MYH1: variants seen among roughly 807,000 people sequenced by gnomAD.
The protein encoded by MYH1 is myosin heavy chain 1.
A neutral mutation model predicts 225.6 loss-of-function variants in MYH1; 214 were observed. That is an observed-to-expected ratio of 0.95 (90% CI 0.85 to 1.06). The LOEUF (loss-of-function observed/expected upper bound fraction) is 1.06. Among genes scored for constraint, MYH1 ranks in the 50% least tolerant of loss-of-function variants. The pLI, the probability that MYH1 is intolerant of heterozygous loss-of-function variation, is 0.00. For synonymous variants in MYH1, 774 were observed against 842.3 expected, an observed-to-expected ratio of 0.92 and a Z score of 1.40; for missense variants, 2,098 against 2,344.2, an observed-to-expected ratio of 0.89 and a Z score of 2.17.
intron 9 of MYH1, 101 bp downstream of exon 9, chr17:10,513,525 C>A: frequency 1.7e-6 from 2 of 1,149,126 alleles, no homozygotes; most frequent in Non-Finnish European, 2.6e-6. Flanking sequence ...TGGCAGCAGA[C>A]TGGTGCTTTA....
Position 10,513,822 on chromosome 17 carries a change from A to G in MYH1, c.740T>C (p.Phe247Ser), listed in dbSNP as rs184529840. The change falls in exon 8 of 40, where the codon TTT becomes TCT. Residue 247 changes from phenylalanine to serine, a missense_variant and splice_region_variant. By Grantham distance (155) the Phe-to-Ser change is radical. Coordinates refer to ENST00000226207, the MANE Select transcript of MYH1 (RefSeq NM_005963.4). ...CCCTTTGGCAACCAAGAGACTTACAAAGCGAGAGGAGTTGTCATTCCTCAC... is the reference window on the plus strand; with the variant it reads ...CCCTTTGGCAACCAAGAGACTTACAGAGCGAGAGGAGTTGTCATTCCTCAC... ...KTVRNDNSSR[F>S]GKFIRIHFGT... 6.6e-5 allele frequency: 107 copies of G among 1,614,172 alleles called. No individual in the cohort carries two copies. Among genetic ancestry groups the G allele is most frequent in the Admixed American group, 3.7e-4 (22 of 60,026 alleles).
At chr17:10,507,489 C>T (rs1443191497) in intron 17 of MYH1, among the ~76,000 whole-genome samples, 1 of 152,190 alleles carries the variant, frequency 6.6e-6, no homozygotes, top group Non-Finnish European at 1.5e-5. Context: ...CGGTTCTATA[C>T]CAATGTATCT....
Position 10,501,665 on chromosome 17 carries a change from C to A in MYH1, c.3277G>T (p.Gly1093Cys), listed in dbSNP as rs773320878. 6.2e-7 allele frequency: 1 copy of A among 1,614,170 alleles called. No homozygotes were observed. ...KLKKKEFEMS[G>C]LQSKIEDEQA... ...TCATCTTCAATCTTGCTTTGCAGACCGCTCATTTCAAACTCTTTCCTATTA... is the reference window on the plus strand; with the variant it reads ...TCATCTTCAATCTTGCTTTGCAGACAGCTCATTTCAAACTCTTTCCTATTA... Residue 1093 changes from glycine to cysteine, a missense_variant, in exon 26 of 40, where the codon GGT becomes TGT. Gly to Cys is a radical substitution (Grantham distance 159). Transcript: ENST00000226207.
At chr17:10,505,546 T>G (rs188553376) in intron 19 of MYH1, 35 bp from the exon 20 acceptor site, 37 of 1,606,656 alleles carry the variant, frequency 2.3e-5, no homozygotes, top group Non-Finnish European at 3.1e-5. Context: ...ATATGGCTGT[T>G]GCCACAGACA....
chr17:10,513,267 G>A (rs527743709), intron 9 of MYH1, among the ~76,000 whole-genome samples: 97 of 152,198 alleles, frequency 6.4e-4, no homozygotes, highest in African/African-American at 2.3e-3. Context: ...ATAATAGAGG[G>A]ACTACTAAAA....
intron 39 of MYH1, among the ~76,000 whole-genome samples, chr17:10,493,856 T>G (rs769766594): frequency 1.3e-5 from 2 of 152,206 alleles, no homozygotes; most frequent in Non-Finnish European, 2.9e-5. Flanking sequence ...TGCTCCACTC[T>G]CTTATCCAAG....
At chr17:10,505,555 C>A (rs1209306780) in intron 19 of MYH1, 44 bp from the exon 20 acceptor site, 2 of 1,602,236 alleles carry the variant, frequency 1.2e-6, no homozygotes, top group Non-Finnish European at 1.7e-6. Flanking sequence ...TTGCCACAGA[C>A]AAGAAATCTT....
intron 2 of MYH1, among the ~76,000 whole-genome samples, chr17:10,517,246 C>T (rs569102143): frequency 6.6e-6 from 1 of 152,246 alleles, no homozygotes; most frequent in South Asian, 2.1e-4. Flanking sequence ...TCATTATAAA[C>T]TTGGGAGTTA....
In MYH1 at chr17:10,495,987, A is replaced by C; in HGVS notation, c.5132T>G (p.Leu1711Arg). ...RSRKIAEQEL[L>R]DASERVQLLH... Reference sequence around the variant, plus strand: ...GAGCTGAACACGCTCACTGGCATCCAGGAGCTCCTGTTCTGCGATTTTCCT... The same window carrying C: ...GAGCTGAACACGCTCACTGGCATCCCGGAGCTCCTGTTCTGCGATTTTCCT... The change falls in exon 35 of 40, where the codon CTG becomes CGG. Residue 1711 changes from leucine (L) to arginine (R), a missense_variant. Leu to Arg is a moderately radical substitution (Grantham distance 102). Transcript: ENST00000226207. 6.2e-7 allele frequency: 1 copy of C among 1,614,090 alleles called. No homozygotes were observed. Among genetic ancestry groups the C allele is most frequent in the Non-Finnish European group, 8.5e-7 (1 of 1,180,026 alleles).
Position 10,501,576 on chromosome 17 carries a change from GA to G in MYH1, c.3348+17del, listed in dbSNP as rs2073058017. 2 of 1,614,064 alleles carry G rather than the reference GA, an allele frequency of 1.2e-6. No homozygotes were observed. Among genetic ancestry groups the G allele is most frequent in the Admixed American group, 3.3e-5 (2 of 60,000 alleles). On this transcript the variant is annotated intron_variant, in intron 26 of 39. Coordinates refer to ENST00000226207, the MANE Select transcript of MYH1 (RefSeq NM_005963.4). ...CTTTTCGATGTTAAATTAGCCTGGC[GA>G]AAATCATTTAACGTACTTGTAACTC...
At chr17:10,494,893 G>A (rs753166810) in intron 37 of MYH1, 38 bp downstream of exon 37, 13 of 1,614,050 alleles carry the variant, frequency 8.1e-6, no homozygotes, top group Non-Finnish European at 9.3e-6. Context: ...GTGTTGGATT[G>A]GAATGAGATA....
chr17:10,508,004 GGTTTTTTTTTTTTGTTTTTTTTT>G, intron 16 of MYH1, 48 bp from the exon 17 acceptor site: 1 of 1,423,790 alleles, frequency 7.0e-7, no homozygotes, highest in Non-Finnish European at 9.6e-7. Flanking sequence ...CTCTGGTTAT[GGTTTTTTTTTTTTGTTTTTTTTT>G]GTTTTTTTTG....
rs1227146869 is a variant in MYH1, at chr17:10,505,055, A to T, written c.2446T>A (p.Phe816Ile). ...GCACGGACATTGTACTGGATGCAGAAGATGGACTCTCTGTCATAGGAACAG... is the reference window on the plus strand; with the variant it reads ...GCACGGACATTGTACTGGATGCAGATGATGGACTCTCTGTCATAGGAACAG... ...QKMVERRESI[F>I]CIQYNVRAFM... is the part of the protein sequence containing the mutation. Residue 816 changes from phenylalanine (F) to isoleucine (I), a missense_variant, in exon 22 of 40, where the codon TTC (phenylalanine) becomes ATC (isoleucine). Physicochemically the swap from Phe to Ile is conservative, Grantham distance 21. Transcript: ENST00000226207. 1 of 1,614,186 alleles carries T rather than the reference A, an allele frequency of 6.2e-7. No individual in the cohort carries two copies. Among genetic ancestry groups the T allele is most frequent in the East Asian group, 2.2e-5 (1 of 44,894 alleles).
At position 10,501,603 on chromosome 17, in the gene MYH1, CT is replaced by C. The variant is rs1567717595; in HGVS notation, c.3338del (p.Lys1113ArgfsTer55). The C allele has an allele frequency of 6.2e-7, 1 of 1,614,174 alleles. No individual in the cohort carries two copies. Among genetic ancestry groups the C allele is most frequent in the Non-Finnish European group, 8.5e-7 (1 of 1,180,018 alleles). ...AAATCATTTAACGTACTTGTAACTC[CT>C]TGATTTTCTTCTGCAGCTGCATACC... ...ALGMQLQKKIKELQARIEELE... is the reference protein window; with the variant it reads ...ALGMQLQKKIXELQARIEELE... On this transcript the variant is annotated frameshift_variant, in exon 26 of 40. Coordinates refer to ENST00000226207, the MANE Select transcript of MYH1 (RefSeq NM_005963.4). LOFTEE classifies it high-confidence loss of function.
chr17:10,511,383 G>T (rs185245621), intron 14 of MYH1, among the ~76,000 whole-genome samples: 1 of 152,170 alleles, frequency 6.6e-6, no homozygotes, highest in Admixed American at 6.5e-5. Context: ...TTCTTTTAAA[G>T]ACTTTGTCTT....
In MYH1 at chr17:10,500,831, A is replaced by G. The variant is rs2073046436; in HGVS notation, c.3739-79T>C. 3.8e-6 allele frequency: 6 copies of G among 1,583,688 alleles called. No individual in the cohort carries two copies. In the Admixed American group the frequency reaches 8.4e-5, roughly 22 times the overall value. On this transcript the variant is annotated intron_variant, in intron 27 of 39. Transcript: ENST00000226207. ...AGTTTCAGTAATCTAAACATTCCAT[A>G]TGAGCTGCAGTACTCATTTATTTTG...
rs1190788105 is a variant in MYH1, at chr17:10,501,869, G to T, written c.3154C>A (p.Leu1052Ile). The T allele has an allele frequency of 6.2e-7, 1 of 1,610,626 alleles. No individual in the cohort carries two copies. Among genetic ancestry groups the T allele is most frequent in the African/African-American group, 1.3e-5 (1 of 74,690 alleles). Residue 1052 changes from leucine to isoleucine, a missense_variant, in exon 25 of 40, where the codon CTA becomes ATA. Transcript: ENST00000226207. ...LEQEKKIRMD[L>I]ERAKRKLEGD... ...TCTAGTTTTCTCTTTGCTCTTTCTA[G>T]ATCCATCCGGATTTTCTTTTCTTGT... is the stretch of plus-strand genomic sequence containing the variant.
rs2072941234 is a variant in MYH1 at position 10,492,313 on chromosome 17, G to C, written c.*103C>G. The stretch of plus-strand genomic sequence containing the variant: ...GGAAAAAGAGACTCACAAGTTTTTG[G>C]CAGATAAATTTTTTATCTCCAAAAG... On this transcript the variant is annotated 3_prime_UTR_variant, in exon 40 of 40. Transcript: ENST00000226207. The C allele has an allele frequency of 1.5e-5, 21 of 1,386,452 alleles. No individual in the cohort carries two copies. The highest frequency in any genetic ancestry group is 2.1e-5 in the Non-Finnish European group (21 of 1,006,308). 85.9% of individuals were successfully genotyped at this position (1,386,452 alleles called of 1,614,324 possible).
chr17:10,513,778 C>T (rs1255734718), intron 8 of MYH1, 43 bp downstream of exon 8: 1 of 1,613,594 alleles, frequency 6.2e-7, no homozygotes. Context: ...CTTTCTCTGG[C>T]ATCTAAAGGC....
Sources: allele counts gnomAD v4.1 joint callset (sites outside exome capture counted in the v4.1 genomes callset), GRCh38; gene constraint gnomAD v4.1.1; transcripts MANE v1.5; gene names NCBI Gene and HGNC (gene_info 2026-07-23, HGNC 2026-07-21).